FRAS1: variants seen among roughly 807,000 people sequenced by gnomAD.
The protein encoded by FRAS1 is Fraser extracellular matrix complex subunit 1.
In FRAS1, 290 loss-of-function variants were observed where a neutral mutation model predicts 435.2. The observed-to-expected ratio is 0.67, with a 90% confidence interval of 0.61 to 0.73. The LOEUF (loss-of-function observed/expected upper bound fraction) is 0.73. FRAS1 is among the 30% of genes least tolerant of loss of function. FRAS1 has a pLI of 0.00. For missense variants in FRAS1, 4,860 were observed against 5,001.5 expected, an observed-to-expected ratio of 0.97 and a Z score of 0.85; for synonymous variants, 1,800 against 1,851.0, an observed-to-expected ratio of 0.97 and a Z score of 0.71.
At chr4:78,193,078 C>T (rs183323464) in intron 2 of FRAS1, among the ~76,000 whole-genome samples, 215 of 152,234 alleles carry the variant, frequency 1.4e-3, no homozygotes, top group African/African-American at 4.1e-3. Context: ...TGTAGTTGAG[C>T]GGTTTTGAGT....
intron 32 of FRAS1, among the ~76,000 whole-genome samples, chr4:78,415,114 C>T (rs549486342): frequency 1.3e-5 from 2 of 152,292 alleles, no homozygotes; most frequent in African/African-American, 4.8e-5. Context: ...CTCTGAGTCC[C>T]CAAAGTCCAT....
chr4:78,098,270 T>C (rs913614502), intron 2 of FRAS1, among the ~76,000 whole-genome samples: 2 of 146,030 alleles, frequency 1.4e-5, no homozygotes, highest in African/African-American at 5.2e-5. Flanking sequence ...TTAGGATAGA[T>C]CTTTTCTTTT....
chr4:78,468,637 G>A (rs976010634), intron 50 of FRAS1, among the ~76,000 whole-genome samples: 1 of 152,142 alleles, frequency 6.6e-6, no homozygotes, highest in Non-Finnish European at 1.5e-5. Flanking sequence ...CAGAAGAAAT[G>A]TTGATTCCCC....
At chr4:78,166,443 T>C (rs1201638669) in intron 2 of FRAS1, among the ~76,000 whole-genome samples, 1 of 152,190 alleles carries the variant, frequency 6.6e-6, no homozygotes, top group African/African-American at 2.4e-5. Flanking sequence ...TTTTTGGTCA[T>C]CCTTATATTT....
rs779562035 is a variant in FRAS1 at position 78,493,042 on chromosome 4, CAAAT to C, written c.8959-3762_8959-3759del. On this transcript the variant is annotated intron_variant, in intron 59 of 73. Transcript: ENST00000512123. ...AGAAGACATTTATGCAGCCAACAAA[CAAAT>C]GAAGAAAAGCTCATCATCACTGGTT... Among the ~76,000 whole-genome samples the C allele has an allele frequency of 2.8e-3, 423 of 152,284 alleles. 2 individuals carry two copies. Among genetic ancestry groups the C allele is most frequent in the Non-Finnish European group, 4.5e-3 (307 of 68,016 alleles).
intron 70 of FRAS1, among the ~76,000 whole-genome samples, chr4:78,532,165 C>G (rs763453842): frequency 6.6e-6 from 1 of 152,184 alleles, no homozygotes; most frequent in Non-Finnish European, 1.5e-5. Context: ...CCCAAGTTAC[C>G]TCTGTGATCT....
In FRAS1 at chr4:78,429,312, A is replaced by T. The variant is rs543660891; in HGVS notation, c.4843+86A>T. 130 of 1,461,310 alleles carry T rather than the reference A, an allele frequency of 8.9e-5. No individual in the cohort carries two copies. The East Asian group carries it at 2.6e-3, about 29-fold the overall frequency. 90.5% of individuals were successfully genotyped at this position (1,461,310 alleles called of 1,614,324 possible). ...CTTCAAACCTCTTGATGGTTGCCAA[A>T]AAAGCAAACTCTTCTTCCAGAAGTT... is the stretch of plus-strand genomic sequence containing the variant. On this transcript the variant is annotated intron_variant, in intron 36 of 73. Transcript: ENST00000512123.
chr4:78,195,772 C>T (rs925146502), intron 2 of FRAS1, among the ~76,000 whole-genome samples: 13 of 152,082 alleles, frequency 8.5e-5, no homozygotes, highest in Non-Finnish European at 1.2e-4. Flanking sequence ...GTGCGCTGCA[C>T]CCACTGTCCT....
At chr4:78,361,974 C>T (rs1291536807) in intron 20 of FRAS1, among the ~76,000 whole-genome samples, 1 of 152,126 alleles carries the variant, frequency 6.6e-6, no homozygotes, top group Non-Finnish European at 1.5e-5. Context: ...GGGTAATTAC[C>T]ACTTGAAAGC....
At chr4:78,501,392 G>T (rs1421677794) in intron 61 of FRAS1, among the ~76,000 whole-genome samples, 1 of 152,130 alleles carries the variant, frequency 6.6e-6, no homozygotes, top group Non-Finnish European at 1.5e-5. Flanking sequence ...TTGGTTCCAA[G>T]TCTTTGCTAT....
intron 2 of FRAS1, among the ~76,000 whole-genome samples, chr4:78,097,951 C>T (rs1741900300): frequency 6.6e-6 from 1 of 152,160 alleles, no homozygotes; most frequent in Non-Finnish European, 1.5e-5. Flanking sequence ...TTCTACAAGC[C>T]AAAGAAAGAG....
intron 2 of FRAS1, among the ~76,000 whole-genome samples, chr4:78,161,742 C>CAAAAAAAAAAAAAAAAAATAAAAAAAA (rs1721144859): frequency 4.0e-5 from 1 of 24,878 alleles, no homozygotes; most frequent in East Asian, 1.5e-3. Flanking sequence ...AACTCTGTCT[C>CAAAAAAAAAAAAAAAAAATAAAAAAAA]AAAAAAAAAA....
chr4:78,402,816 T>A (rs1262823535), intron 30 of FRAS1, among the ~76,000 whole-genome samples: 1 of 152,232 alleles, frequency 6.6e-6, no homozygotes, highest in East Asian at 1.9e-4. Context: ...CTTTGTCTTT[T>A]ATGACACTGA....
chr4:78,085,654 T>G (rs1047336357), intron 2 of FRAS1, among the ~76,000 whole-genome samples: 1 of 151,970 alleles, frequency 6.6e-6, no homozygotes, highest in Non-Finnish European at 1.5e-5. Flanking sequence ...GCTTGGTTAA[T>G]AACAGTATGT....
chr4:78,536,141 G>A (rs1216992691), intron 71 of FRAS1, among the ~76,000 whole-genome samples: 2 of 151,800 alleles, frequency 1.3e-5, no homozygotes, highest in East Asian at 3.9e-4. Flanking sequence ...CATAGGAAAC[G>A]GCCTACACCA....
At chr4:78,446,082 T>C in intron 42 of FRAS1, 1 of 1,103,050 alleles carries the variant, frequency 9.1e-7, no homozygotes, top group African/African-American at 1.6e-5. Context: ...ACTGCATTTA[T>C]TTATTTAATT....
rs535377169 is a variant in FRAS1, at chr4:78,090,362, A to G, written c.108+24346A>G. Among the ~76,000 whole-genome samples the G allele has an allele frequency of 7.2e-5, 11 of 152,338 alleles. No homozygotes were observed. In the South Asian group the frequency reaches 2.3e-3, roughly 32 times the overall value. The stretch of plus-strand genomic sequence containing the variant: ...GTTTTGAACACCTTTGGACTTTGAG[A>G]GCCAGTTGAGTATTCAAGACTATTA... On this transcript the variant is annotated intron_variant, in intron 2 of 73. Coordinates refer to ENST00000512123, the MANE Select transcript of FRAS1 (RefSeq NM_025074.7).
At chr4:78,329,735 CCTT>C (rs1729868427) in intron 18 of FRAS1, among the ~76,000 whole-genome samples, 3 of 152,172 alleles carry the variant, frequency 2.0e-5, no homozygotes, top group Admixed American at 1.3e-4. Context: ...TCAAAGGACA[CCTT>C]CTAGGTAGGG....
At chr4:78,501,914 G>A (rs546375183) in intron 61 of FRAS1, among the ~76,000 whole-genome samples, 25 of 152,286 alleles carry the variant, frequency 1.6e-4, no homozygotes, top group Middle Eastern at 3.4e-3. Flanking sequence ...TGTAAGGAAG[G>A]GATCCAGTTT....
Sources: gnomAD v4.1 joint callset for allele counts (sites outside exome capture counted in the v4.1 genomes callset) on GRCh38, gnomAD v4.1.1 for gene constraint, MANE v1.5 for transcripts, NCBI Gene and HGNC (gene_info 2026-07-23, HGNC 2026-07-21) for gene names.